Variants in HGSNAT observed in about 807,000 individuals in gnomAD.
HGSNAT encodes heparan-alpha-glucosaminide N-acetyltransferase.
A neutral mutation model predicts 85.2 loss-of-function variants in HGSNAT; 59 were observed. That is an observed-to-expected ratio of 0.69 (90% CI 0.56 to 0.86). HGSNAT has a LOEUF of 0.86. Ranked by LOEUF, HGSNAT falls within the 40% of genes least tolerant of loss-of-function variation. The pLI, the probability that HGSNAT is intolerant of heterozygous loss-of-function variation, is 0.00. For synonymous variants in HGSNAT, 321 were observed against 304.5 expected (o/e 1.05, Z -0.56); for missense variants, 756 against 777.1 (o/e 0.97, Z 0.32).
At position 43,178,200 on chromosome 8, in the gene HGSNAT, TATC is replaced by T. The variant is rs752374933; in HGVS notation, c.981_983del (p.Ile328del). The T allele has an allele frequency of 3.2e-5, 50 of 1,563,260 alleles. No homozygotes were observed. Among genetic ancestry groups the T allele is most frequent in the Non-Finnish European group, 4.1e-5 (48 of 1,159,000 alleles). ...GTTTCCTGTTAATCTGCATAGGAAT[TATC>T]ATTGTGAATCCCAATTATTGCCTTG... On this transcript the variant is annotated inframe_deletion, in exon 10 of 18. Coordinates refer to ENST00000379644, the MANE Select transcript of HGSNAT (RefSeq NM_152419.3).
chr8:43,199,192 C>T (rs997429393), intron 17 of HGSNAT, among the ~76,000 whole-genome samples, 196 bp from the exon 18 acceptor site: 2 of 152,258 alleles, frequency 1.3e-5, no homozygotes, highest in Non-Finnish European at 2.9e-5. Context: ...TGAGCCACTA[C>T]ACCAGGCCTT....
intron 9 of HGSNAT, among the ~76,000 whole-genome samples, chr8:43,175,719 C>A (rs760148250): frequency 6.6e-6 from 1 of 151,750 alleles, no homozygotes; most frequent in Non-Finnish European, 1.5e-5. Flanking sequence ...GTGCGCACCA[C>A]CACACCTGGC....
chr8:43,194,263 A>G, intron 14 of HGSNAT: 2 of 515,940 alleles, frequency 3.9e-6, no homozygotes, highest in Non-Finnish European at 5.1e-6. Flanking sequence ...GCCAGGCATG[A>G]TGGCACACAC....
In HGSNAT at chr8:43,199,984, G is replaced by A. The variant is rs1406430184; in HGVS notation, c.*415G>A. On this transcript the variant is annotated 3_prime_UTR_variant, in exon 18 of 18. Transcript: ENST00000379644. ...GTGTACGCGCACACCAACACGAAAT[G>A]CCATCACTCCTACTGCGGCTGCTAT... The A allele has an allele frequency of 6.5e-6, 1 of 154,818 alleles. No individual in the cohort carries two copies. The highest frequency in any genetic ancestry group is 2.4e-5 in the African/African-American group (1 of 41,554). The allele number at this position is 154,818 out of a possible 1,614,324, so 9.6% of individuals were successfully genotyped here.
At position 43,140,489 on chromosome 8, in the gene HGSNAT, C is replaced by G; in HGVS notation, c.-8C>G. ...GGGCAGGCAAGGGCGGCCGAGCGGG[C>G]GGCGGGCATGAGCGGGGCGGGCAGG... On this transcript the variant is annotated 5_prime_UTR_variant, in exon 1 of 18. Coordinates refer to ENST00000379644, the MANE Select transcript of HGSNAT (RefSeq NM_152419.3). The G allele has an allele frequency of 9.9e-7, 1 of 1,005,080 alleles. No homozygotes were observed. The highest frequency in any genetic ancestry group is 1.2e-6 in the Non-Finnish European group (1 of 842,730). 62.3% of individuals were successfully genotyped at this position (1,005,080 alleles called of 1,614,324 possible). A position where few individuals can be genotyped will look rare whatever the true frequency, so the allele number is the denominator to read the frequency against.
Position 43,193,931 on chromosome 8 carries a change from G to C in HGSNAT, c.1464+88G>C. On this transcript the variant is annotated intron_variant, in intron 14 of 17. Transcript: ENST00000379644. ...AAAAACCATTTCATTAAAATAATTG[G>C]AAGCATATTCTCTCTTGTGCTATGG... 3 of 1,564,302 alleles carry C rather than the reference G, an allele frequency of 1.9e-6. No individual in the cohort carries two copies. In the South Asian group the frequency reaches 3.5e-5, roughly 18 times the overall value.
chr8:43,149,195 A>T (rs535776777), intron 2 of HGSNAT, among the ~76,000 whole-genome samples: 1 of 152,238 alleles, frequency 6.6e-6, no homozygotes, highest in African/African-American at 2.4e-5. Flanking sequence ...TTGCCGATTT[A>T]TTTAAAAGAG....
Position 43,140,941 on chromosome 8 carries a change from C to T in HGSNAT, c.118+327C>T, listed in dbSNP as rs1802505400. ...AAACAGAGGCCGCGGATCGGGACGC[C>T]GGGACCCCACAAACTGGCAGCCAGG... On this transcript the variant is annotated intron_variant, in intron 1 of 17. Transcript: ENST00000379644. Among the ~76,000 whole-genome samples the T allele has an allele frequency of 3.3e-5, 5 of 152,302 alleles. No individual in the cohort carries two copies. In the South Asian group the frequency reaches 1.0e-3, roughly 32 times the overall value.
chr8:43,147,010 G>A lies in HGSNAT; in HGVS notation c.181G>A (p.Glu61Lys). 6.2e-7 allele frequency: 1 copy of A among 1,609,622 alleles called. No homozygotes were observed. Among genetic ancestry groups the A allele is most frequent in the Non-Finnish European group, 8.5e-7 (1 of 1,178,758 alleles). The change falls in exon 2 of 18, where the codon GAA (glutamate) becomes AAA (lysine). Residue 61 changes from glutamate to lysine, a missense_variant. Transcript: ENST00000379644. ...TCAGGCTTTGCTACTCATCCATAATGAACTTCTCTGGACCAACTTGACCGT... is the reference window on the plus strand; with the variant it reads ...TCAGGCTTTGCTACTCATCCATAATAAACTTCTCTGGACCAACTTGACCGT... ...MDQALLLIHN[E>K]LLWTNLTVYW...
At chr8:43,172,267 C>A in intron 7 of HGSNAT, 43 bp from the exon 8 acceptor site, 2 of 1,408,530 alleles carry the variant, frequency 1.4e-6, no homozygotes, top group Non-Finnish European at 2.0e-6. Flanking sequence ...TTCCTTTTCA[C>A]ATAGCAAACC....
At chr8:43,196,672 C>T (rs561372466) in intron 14 of HGSNAT, 60 of 636,288 alleles carry the variant, frequency 9.4e-5, no homozygotes, top group Middle Eastern at 3.9e-4. Flanking sequence ...CCTCTTCCTG[C>T]GGGGACCCTC....
At chr8:43,155,634 C>G (rs1563359295) in intron 2 of HGSNAT, among the ~76,000 whole-genome samples, 1 of 152,056 alleles carries the variant, frequency 6.6e-6, no homozygotes, top group African/African-American at 2.4e-5. Context: ...CTTCTGTTAC[C>G]TATGCACCAG....
In HGSNAT at chr8:43,199,544, G is replaced by A. The variant is rs1293218049; in HGVS notation, c.1883G>A (p.Arg628Lys). The change falls in exon 18 of 18, where the codon AGA becomes AAA. Residue 628 changes from arginine (R) to lysine (K), a missense_variant. By Grantham distance (26) the Arg-to-Lys change is conservative. Coordinates refer to ENST00000379644, the MANE Select transcript of HGSNAT (RefSeq NM_152419.3). ...LWVLIAYILY[R>K]KKIFWKI ...GTGCTCATTGCCTACATCCTCTATA[G>A]AAAGAAGATTTTTTGGAAAATCTGA... The A allele has an allele frequency of 1.3e-6, 2 of 1,562,080 alleles. No homozygotes were observed. Among genetic ancestry groups the A allele is most frequent in the South Asian group, 2.4e-5 (2 of 83,640 alleles).
chr8:43,166,117 T>C (rs1447588986), intron 5 of HGSNAT, among the ~76,000 whole-genome samples: 2 of 152,106 alleles, frequency 1.3e-5, no homozygotes, highest in African/African-American at 4.8e-5. Flanking sequence ...AGAAGAAAAG[T>C]TGGAAACTAG....
At position 43,146,573 on chromosome 8, in the gene HGSNAT, G is replaced by A. The variant is rs1036216609; in HGVS notation, c.119-375G>A. ...GGGAAAATACCTAGCTCATAAGATTGTCATTATTATAGGGAAACTACTAAA... is the reference window on the plus strand; with the variant it reads ...GGGAAAATACCTAGCTCATAAGATTATCATTATTATAGGGAAACTACTAAA... On this transcript the variant is annotated intron_variant, in intron 1 of 17. Transcript: ENST00000379644. Among the ~76,000 whole-genome samples the A allele has an allele frequency of 8.7e-4, 132 of 152,302 alleles. 1 individual carries two copies. Among genetic ancestry groups the A allele is most frequent in the African/African-American group, 3.0e-3 (123 of 41,556 alleles).
At chr8:43,161,541 CAGA>C (rs1563362965) in intron 5 of HGSNAT, 34 bp downstream of exon 5, 2 of 1,532,898 alleles carry the variant, frequency 1.3e-6, no homozygotes, top group East Asian at 4.6e-5. Flanking sequence ...ACTGGAAAGG[CAGA>C]GTATAGAAAT....
chr8:43,159,371 C>T (rs898855073), intron 4 of HGSNAT, among the ~76,000 whole-genome samples: 6 of 152,066 alleles, frequency 3.9e-5, no homozygotes, highest in Admixed American at 2.0e-4. Flanking sequence ...GCAGATCACT[C>T]GAGCTCACAA....
intron 6 of HGSNAT, 32 bp from the exon 7 acceptor site, chr8:43,170,553 G>T (rs377191766): frequency 7.0e-7 from 1 of 1,434,582 alleles, no homozygotes; most frequent in Non-Finnish European, 9.7e-7. Context: ...TTAGCATTAT[G>T]AGTTGTCATC....
chr8:43,163,745 T>C (rs1484728637), intron 5 of HGSNAT, among the ~76,000 whole-genome samples: 2 of 152,114 alleles, frequency 1.3e-5, no homozygotes, highest in Non-Finnish European at 2.9e-5. Flanking sequence ...CTTGAACTCC[T>C]GACCTCGTGA....
Sources: allele counts gnomAD v4.1 joint callset (sites outside exome capture counted in the v4.1 genomes callset), GRCh38; gene constraint gnomAD v4.1.1; transcripts MANE v1.5; gene names NCBI Gene and HGNC (gene_info 2026-07-23, HGNC 2026-07-21).